CPVL: variants seen among roughly 807,000 people sequenced by gnomAD.
CPVL encodes probable serine carboxypeptidase CPVL.
In CPVL, 51 loss-of-function variants were observed where a neutral mutation model predicts 63.7. The observed-to-expected ratio is 0.80, with a 90% CI of 0.64 to 1.01. CPVL has a LOEUF of 1.01. Among genes scored for constraint, CPVL ranks in the 50% least tolerant of loss-of-function variants. The pLI is 0.00. For missense variants in CPVL, 530 were observed against 573.1 expected (o/e 0.92, Z 0.77); for synonymous variants, 195 against 206.0 (o/e 0.95, Z 0.46).
intron 12 of CPVL, among the ~76,000 whole-genome samples, chr7:29,007,752 A>AACACACAC (rs70977090): frequency 1.3e-5 from 2 of 149,922 alleles, no homozygotes; most frequent in African/African-American, 2.4e-5. Flanking sequence ...GTAGTATTAA[A>AACACACAC]ACACACACAC....
chr7:29,095,450 T>A (rs1786307077), intron 4 of CPVL, among the ~76,000 whole-genome samples: 1 of 152,062 alleles, frequency 6.6e-6, no homozygotes, highest in Non-Finnish European at 1.5e-5. Flanking sequence ...TGCAATAATA[T>A]CCATATGTCC....
At chr7:29,071,289 C>T (rs1305350135) in intron 9 of CPVL, among the ~76,000 whole-genome samples, 1 of 152,180 alleles carries the variant, frequency 6.6e-6, no homozygotes, top group Admixed American at 6.5e-5. Context: ...TTTCAAATTA[C>T]TACACTTTAT....
At chr7:29,079,897 A>T (rs1784537643) in intron 7 of CPVL, among the ~76,000 whole-genome samples, 3 of 152,242 alleles carry the variant, frequency 2.0e-5, no homozygotes, top group Non-Finnish European at 4.4e-5. Flanking sequence ...TTAATTTATC[A>T]GATCCTTTCT....
At chr7:29,005,500 G>A (rs1428667331) in intron 12 of CPVL, among the ~76,000 whole-genome samples, 1 of 152,144 alleles carries the variant, frequency 6.6e-6, no homozygotes, top group Non-Finnish European at 1.5e-5. Flanking sequence ...TAATGAAGCA[G>A]CTTGAATGTG....
At chr7:29,143,749 T>C (rs933626673) in intron 1 of CPVL, among the ~76,000 whole-genome samples, 4 of 152,228 alleles carry the variant, frequency 2.6e-5, no homozygotes, top group Non-Finnish European at 5.9e-5. Flanking sequence ...ATTGGAAAGA[T>C]AAGCTGCTAA....
chr7:29,141,873 C>T (rs576787517), intron 1 of CPVL, among the ~76,000 whole-genome samples: 1 of 151,888 alleles, frequency 6.6e-6, no homozygotes, highest in Non-Finnish European at 1.5e-5. Flanking sequence ...TGAGATTGTG[C>T]CACCGCACTC....
At chr7:29,159,558 G>A (rs1392760713) in intron 5 of CPVL, among the ~76,000 whole-genome samples, 2 of 152,148 alleles carry the variant, frequency 1.3e-5, no homozygotes, top group Non-Finnish European at 2.9e-5. Flanking sequence ...GTAGAGTGAT[G>A]AAATGGGGTG....
intron 1 of CPVL, chr7:29,127,474 G>A (rs1287687053): frequency 6.6e-6 from 1 of 152,166 alleles, no homozygotes; most frequent in Admixed American, 6.5e-5. Flanking sequence ...GATCCTCAGA[G>A]AATCTAAGTG....
rs562917355 is a variant in CPVL, at chr7:29,032,444, C to A, written c.1138-1685G>T. 5.9e-5 allele frequency among the ~76,000 whole-genome samples: 9 copies of A among 152,230 alleles called. No homozygotes were observed. The East Asian group carries it at 1.5e-3, about 26-fold the overall frequency. ...CCTGTTAAAAAAATTCAACTGAACT[C>A]CAGTAATAAAATATTTGCATTGTTT... On this transcript the variant is annotated intron_variant, in intron 11 of 12. Transcript: ENST00000265394.
intron 5 of CPVL, among the ~76,000 whole-genome samples, chr7:29,178,358 C>T (rs1182354574): frequency 6.6e-6 from 1 of 152,184 alleles, no homozygotes; most frequent in Non-Finnish European, 1.5e-5. Context: ...CTGACATCTA[C>T]TCAGCCTCTG....
intron 1 of CPVL, among the ~76,000 whole-genome samples, chr7:29,143,970 T>C (rs1237382087): frequency 2.6e-5 from 4 of 152,212 alleles, no homozygotes; most frequent in African/African-American, 9.6e-5. Flanking sequence ...TCTTGTGAAC[T>C]GTCTATTAAG....
At chr7:29,117,487 G>A (rs62444091) in intron 2 of CPVL, among the ~76,000 whole-genome samples, 2 of 152,124 alleles carry the variant, frequency 1.3e-5, no homozygotes, top group Non-Finnish European at 2.9e-5. Flanking sequence ...AATCTTACCC[G>A]ACACTCTGAA....
chr7:29,040,131 C>T lies in CPVL; in HGVS notation c.1138-9372G>A, dbSNP rs549787695. Among the ~76,000 whole-genome samples, 398 of 152,178 alleles carry T rather than the reference C, an allele frequency of 2.6e-3. 3 individuals carry two copies. The highest frequency in any genetic ancestry group is 0.017 in the Middle Eastern group (5 of 292). On this transcript the variant is annotated intron_variant, in intron 11 of 12. Coordinates refer to ENST00000265394, the MANE Select transcript of CPVL (RefSeq NM_031311.5). ...CCCTACAGATGCTAAATCAATGAAA[C>T]TCCTGCAAATCAGCCCTCCAAACTT...
chr7:29,081,053 G>A (rs1784660445), intron 7 of CPVL, among the ~76,000 whole-genome samples: 1 of 152,142 alleles, frequency 6.6e-6, no homozygotes, highest in African/African-American at 2.4e-5. Flanking sequence ...TAAAGCCACA[G>A]GCTCAGAGAA....
intron 1 of CPVL, among the ~76,000 whole-genome samples, chr7:29,135,201 C>A (rs981254964): frequency 2.0e-5 from 3 of 151,206 alleles, no homozygotes; most frequent in Admixed American, 6.6e-5. Flanking sequence ...TTTAAAGGAA[C>A]CATCAAGTTC....
At chr7:29,194,843 G>A (rs1014078806) in intron 1 of CPVL, 8 of 1,164,386 alleles carry the variant, frequency 6.9e-6, no homozygotes, top group Non-Finnish European at 8.9e-6. Context: ...ACTTTGCCAT[G>A]GGCTGGGGGC....
chr7:29,095,238 C>G, intron 4 of CPVL, 96 bp from the exon 5 acceptor site: 1 of 993,960 alleles, frequency 1.0e-6, no homozygotes, highest in Non-Finnish European at 1.6e-6. Context: ...CCACGGTCCT[C>G]ATGAGCTGTT....
At chr7:29,022,924 C>T (rs1356481309) in intron 12 of CPVL, among the ~76,000 whole-genome samples, 1 of 152,254 alleles carries the variant, frequency 6.6e-6, no homozygotes, top group Non-Finnish European at 1.5e-5. Flanking sequence ...TGCTGGAGCC[C>T]ATGCATTCCT....
chr7:29,142,255 T>G (rs1489844397), intron 1 of CPVL, among the ~76,000 whole-genome samples: 1 of 152,216 alleles, frequency 6.6e-6, no homozygotes, highest in African/African-American at 2.4e-5. Flanking sequence ...CTGTATTTAT[T>G]TTTTGCTCCA....
Sources: gnomAD v4.1 joint callset for allele counts (sites outside exome capture counted in the v4.1 genomes callset) on GRCh38, gnomAD v4.1.1 for gene constraint, MANE v1.5 for transcripts, NCBI Gene and HGNC (gene_info 2026-07-23, HGNC 2026-07-21) for gene names.